The following CLASP1 variants were observed in gnomAD, a reference collection of about 807,000 sequenced individuals.
CLASP1 encodes cytoplasmic linker associated protein 1.
CLASP1 carries 38 observed loss-of-function variants against 192.3 expected under a neutral mutation model. The ratio of observed to expected loss-of-function variants is 0.20; its 90% CI spans 0.15 to 0.26. The LOEUF (loss-of-function observed/expected upper bound fraction) is 0.26. CLASP1 is among the 10% of genes least tolerant of loss of function. The pLI, the probability that CLASP1 is intolerant of heterozygous loss-of-function variation, is 1.00. For missense variants in CLASP1, 1,433 were observed against 1,932.5 expected (o/e 0.74, Z 4.85); for synonymous variants, 691 against 712.8 (o/e 0.97, Z 0.49).
chr2:121,497,199 T>C (rs559995060), intron 8 of CLASP1, among the ~76,000 whole-genome samples: 49 of 152,308 alleles, frequency 3.2e-4, no homozygotes, highest in African/African-American at 1.1e-3. Context: ...AAAAGCAATA[T>C]TTGAGTTAAA....
rs556933949 is a variant in CLASP1 at position 121,550,574 on chromosome 2, C to T, written c.196-20249G>A. ...TGATGAAGAAAATGTTACTACTGAC[C>T]CCATAAAAATAAAAACCATCAGAAA... On this transcript the variant is annotated intron_variant, in intron 2 of 39. Coordinates refer to ENST00000263710, the Ensembl canonical transcript of CLASP1. Among the ~76,000 whole-genome samples the T allele has an allele frequency of 1.4e-4, 21 of 151,892 alleles. No homozygotes were observed. In the South Asian group the frequency reaches 1.7e-3, roughly 12 times the overall value.
At chr2:121,384,127 T>A (rs182737846) in intron 32 of CLASP1, among the ~76,000 whole-genome samples, 1 of 133,132 alleles carries the variant, frequency 7.5e-6, no homozygotes, top group Non-Finnish European at 1.6e-5. Flanking sequence ...TATACACACA[T>A]ATATATGTAT....
rs2060281673 is a variant in CLASP1 at position 121,574,423 on chromosome 2, T to TC, written c.195+31277dup. Among the ~76,000 whole-genome samples, 3 of 149,864 alleles carry TC rather than the reference T, an allele frequency of 2.0e-5. No individual in the cohort carries two copies. The South Asian group carries it at 6.3e-4, about 32-fold the overall frequency. ...GCCAAGGTGGGTGGATCACCTGAGG[T>TC]CAGGAGTTCCAGACCAGCCTGGCCA... On this transcript the variant is annotated intron_variant, in intron 2 of 39. Transcript: ENST00000263710.
At chr2:121,454,814 CT>C (rs1405991484) in intron 14 of CLASP1, among the ~76,000 whole-genome samples, 2 of 152,184 alleles carry the variant, frequency 1.3e-5, no homozygotes, top group Non-Finnish European at 2.9e-5. Context: ...TTCTGAATTT[CT>C]CTTGGAAACC....
intron 8 of CLASP1, among the ~76,000 whole-genome samples, chr2:121,495,318 G>T (rs1426287985): frequency 1.0e-5 from 1 of 99,272 alleles, no homozygotes. Context: ...GCTGGACTCC[G>T]TCTCTAAAAC....
chr2:121,487,724 C>T (rs573319665), intron 8 of CLASP1, among the ~76,000 whole-genome samples: 6 of 152,262 alleles, frequency 3.9e-5, no homozygotes, highest in African/African-American at 9.6e-5. Context: ...TCAAGAACAC[C>T]CACCACACTG....
chr2:121,506,001 G>A (rs12622395), intron 7 of CLASP1, among the ~76,000 whole-genome samples: 1,633 of 152,216 alleles, frequency 0.011, 27 homozygotes, highest in East Asian at 0.053. Context: ...TCCAAACTTG[G>A]AGGACAGAAG....
At chr2:121,425,282 C>T (rs769179334) in exon 22 of CLASP1, 1 of 1,612,244 alleles carries the variant, frequency 6.2e-7, no homozygotes, top group Admixed American at 1.7e-5. Context: ...CAACAATTTT[C>T]CTGGGGAACT....
chr2:121,358,154 T>C (rs1029400528), intron 37 of CLASP1, among the ~76,000 whole-genome samples: 1 of 152,208 alleles, frequency 6.6e-6, no homozygotes, highest in Non-Finnish European at 1.5e-5. Context: ...AAACAGGTTT[T>C]GGGGTTTTGT....
chr2:121,536,110 A>G (rs1481740925), intron 2 of CLASP1, among the ~76,000 whole-genome samples: 1 of 151,770 alleles, frequency 6.6e-6, no homozygotes, highest in Non-Finnish European at 1.5e-5. Context: ...GGCTGGGCAC[A>G]GTGGCTCACG....
chr2:121,440,096 T>TAAA lies in CLASP1; in HGVS notation c.1912+7238_1912+7240dup, dbSNP rs535955256. On this transcript the variant is annotated intron_variant, in intron 19 of 39. Transcript: ENST00000263710. ...CTTAAAGTATAATTAAAAAAAAAAC[T>TAAA]AAAAAAAAAAAAAAAAACTAAGCCC... 2.0e-4 allele frequency among the ~76,000 whole-genome samples: 21 copies of TAAA among 106,782 alleles called. 1 individual carries two copies. The highest frequency in any genetic ancestry group is 6.0e-4 in the African/African-American group (20 of 33,480). The allele number at this position is 106,782 out of a possible 152,430, so 70.1% of individuals were successfully genotyped here.
intron 19 of CLASP1, among the ~76,000 whole-genome samples, chr2:121,431,903 G>A (rs758533641): frequency 1.3e-5 from 2 of 151,796 alleles, no homozygotes; most frequent in Non-Finnish European, 2.9e-5. Context: ...CTTATGTATC[G>A]ATAAAGAACG....
chr2:121,397,121 T>C lies in CLASP1; in HGVS notation c.3123+19A>G. ...CCCAGGAACAATCTGTAATTACACG[T>C]CGGTTCTCTTGGACATACCTTTCTC... On this transcript the variant is annotated intron_variant, in intron 30 of 39. Transcript: ENST00000263710. The C allele has an allele frequency of 6.2e-7, 1 of 1,612,620 alleles. No homozygotes were observed. The highest frequency in any genetic ancestry group is 8.5e-7 in the Non-Finnish European group (1 of 1,178,778).
exon 22 of CLASP1, chr2:121,425,174 C>T: frequency 6.2e-7 from 1 of 1,612,316 alleles, no homozygotes; most frequent in Non-Finnish European, 8.5e-7. Flanking sequence ...TTCCCGGCTA[C>T]ATCCCTGGCT....
rs759537654 is a variant in CLASP1, at chr2:121,367,667, G to A, written c.3807C>T (p.Tyr1269=). 1.4e-5 allele frequency: 23 copies of A among 1,613,930 alleles called. No homozygotes were observed. In the South Asian group the frequency reaches 2.2e-4, roughly 15 times the overall value. The change falls in exon 35 of 40, where the codon TAC becomes TAT. Residue 1269 remains tyrosine (Y), a synonymous_variant. Coordinates refer to ENST00000263710, the Ensembl canonical transcript of CLASP1. ...TGTCGTAGGTGTTGATGGCATCTGA[G>A]TAGGGGTACGGGTTGTAGTCTCGCG...
chr2:121,429,653 G>C (rs778050904), intron 20 of CLASP1, among the ~76,000 whole-genome samples: 4 of 152,214 alleles, frequency 2.6e-5, no homozygotes, highest in Non-Finnish European at 4.4e-5. Flanking sequence ...CAGAATTAAA[G>C]GGGGAGAGCT....
intron 2 of CLASP1, chr2:121,531,043 C>G (rs111357958): frequency 4.3e-6 from 3 of 698,950 alleles, no homozygotes; most frequent in Non-Finnish European, 7.8e-6. Flanking sequence ...TCAGTTCAAA[C>G]AGCAGTAATT....
At chr2:121,536,454 T>C (rs1315780510) in intron 2 of CLASP1, among the ~76,000 whole-genome samples, 3 of 147,434 alleles carry the variant, frequency 2.0e-5, no homozygotes, top group Non-Finnish European at 4.5e-5. Flanking sequence ...TCTGGGCATA[T>C]ACCCAAAAGA....
chr2:121,510,699 G>A (rs1416610238), intron 7 of CLASP1, among the ~76,000 whole-genome samples: 4 of 152,006 alleles, frequency 2.6e-5, no homozygotes, highest in Non-Finnish European at 5.9e-5. Context: ...TTGGGAGGCC[G>A]AGATGGAGCG....
Sources: allele counts gnomAD v4.1 joint callset (sites outside exome capture counted in the v4.1 genomes callset), GRCh38; gene constraint gnomAD v4.1.1; transcripts MANE v1.5; gene names NCBI Gene and HGNC (gene_info 2026-07-23, HGNC 2026-07-21).